CBX7: variants seen among roughly 807,000 people sequenced by gnomAD.
CBX7 encodes the protein chromobox 7, also known as chromobox protein homolog 7.
CBX7 carries 14 observed loss-of-function variants against 31.4 expected under a neutral mutation model. The observed-to-expected ratio is 0.45, with a 90% confidence interval of 0.29 to 0.70. CBX7 has a LOEUF of 0.70. CBX7 is among the 30% of genes least tolerant of loss of function. CBX7 has a pLI of 0.11. For synonymous variants in CBX7, 159 were observed against 152.6 expected (o/e 1.04, Z -0.31); for missense variants, 269 against 351.9 (o/e 0.76, Z 1.89).
intron 1 of CBX7, among the ~76,000 whole-genome samples, chr22:39,150,278 C>T (rs1006244935): frequency 6.6e-6 from 1 of 152,182 alleles, no homozygotes; most frequent in Admixed American, 6.5e-5. Flanking sequence ...CCACGCTCCT[C>T]CCCCATCTGC....
chr22:39,138,734 G>GA lies in CBX7; in HGVS notation c.180-33dup, dbSNP rs1349136808. ...TGTGAAGCAGGTGGCAGAAGAAAAG[G>GA]AAACACTGGTGACATCTAAGGGAAG... On this transcript the variant is annotated intron_variant, in intron 3 of 5. Transcript: ENST00000216133. 2.5e-6 allele frequency: 4 copies of GA among 1,602,590 alleles called. No individual in the cohort carries two copies. The African/African-American group carries it at 5.4e-5, about 21-fold the overall frequency.
At chr22:39,151,138 AG>A (rs1364744809) in intron 1 of CBX7, among the ~76,000 whole-genome samples, 1 of 152,196 alleles carries the variant, frequency 6.6e-6, no homozygotes, top group African/African-American at 2.4e-5. Context: ...TCCATCGTAG[AG>A]GGAGTTAGTG....
chr22:39,152,501 G>GGCCGCGGCTGCGGC lies in CBX7; in HGVS notation c.-71_-58dup, dbSNP rs1454610042. ...GGCCGGGCCGGGGGCGGAGCTGCGG[G>GGCCGCGGCTGCGGC]GCCGCGGCTGCGGCGCGCGATGCTG... On this transcript the variant is annotated 5_prime_UTR_variant, in exon 1 of 6. Transcript: ENST00000216133. The surrounding 1 kb of genome is among the most constrained non-coding windows in gnomAD (Gnocchi z 4.9). 15 of 806,526 alleles carry GGCCGCGGCTGCGGC rather than the reference G, an allele frequency of 1.9e-5. No individual in the cohort carries two copies. The highest frequency in any genetic ancestry group is 2.3e-5 in the Non-Finnish European group (15 of 666,402). 50.0% of individuals were successfully genotyped at this position (806,526 alleles called of 1,614,324 possible).
At position 39,152,590 on chromosome 22, in the gene CBX7, C is replaced by A. The variant is rs992087731; in HGVS notation, c.-146G>T. 1 of 157,972 alleles carries A rather than the reference C, an allele frequency of 6.3e-6. No homozygotes were observed. Among genetic ancestry groups the A allele is most frequent in the Non-Finnish European group, 1.3e-5 (1 of 74,786 alleles). 9.8% of individuals were successfully genotyped at this position (157,972 alleles called of 1,614,324 possible). A position where few individuals can be genotyped will look rare whatever the true frequency, so the allele number is the denominator to read the frequency against. ...ACGCGCACGCGCACGCGCGCACACCCCCTCGCGCTCCCTCACGCCGCCGAC... is the reference window on the plus strand; with the variant it reads ...ACGCGCACGCGCACGCGCGCACACCACCTCGCGCTCCCTCACGCCGCCGAC... On this transcript the variant is annotated 5_prime_UTR_variant, in exon 1 of 6. Transcript: ENST00000216133. The surrounding 1 kb of genome is among the most constrained non-coding windows in gnomAD (Gnocchi z 4.9).
intron 2 of CBX7, among the ~76,000 whole-genome samples, chr22:39,144,805 A>G (rs964584187): frequency 6.6e-6 from 1 of 152,184 alleles, no homozygotes; most frequent in African/African-American, 2.4e-5. Context: ...AATGACCACT[A>G]CAGTAACAGC....
rs550352981 is a variant in CBX7 at position 39,148,314 on chromosome 22, A to G, written c.113+1475T>C. 6 of 152,386 alleles carry G rather than the reference A, an allele frequency of 3.9e-5. No individual in the cohort carries two copies. The South Asian group carries it at 1.2e-3, about 32-fold the overall frequency. 9.4% of individuals were successfully genotyped at this position (152,386 alleles called of 1,614,324 possible). ...GATGGATTCACATCCAGGATCAATCAAAGTGGGGGAAGGAACTTTTCATTC... is the reference window on the plus strand; with the variant it reads ...GATGGATTCACATCCAGGATCAATCGAAGTGGGGGAAGGAACTTTTCATTC... On this transcript the variant is annotated intron_variant, in intron 2 of 5. Transcript: ENST00000216133.
rs1008286439 is a variant in CBX7, at chr22:39,131,097, C to T, written c.*2794G>A. On this transcript the variant is annotated 3_prime_UTR_variant, in exon 6 of 6. Coordinates refer to ENST00000216133, the MANE Select transcript of CBX7 (RefSeq NM_175709.5). ...GCCACTTCGAAAGCAAAAGCTAAAC[C>T]ACCTCACAGAAGCACAGCGCCTGCC... 1.3e-5 allele frequency: 2 copies of T among 152,638 alleles called. No homozygotes were observed. The highest frequency in any genetic ancestry group is 4.8e-5 in the African/African-American group (2 of 41,438). The allele number at this position is 152,638 out of a possible 1,614,324, so 9.5% of individuals were successfully genotyped here. A position where few individuals can be genotyped will look rare whatever the true frequency, so the allele number is the denominator to read the frequency against.
chr22:39,151,068 A>G (rs1165283391), intron 1 of CBX7, among the ~76,000 whole-genome samples: 2 of 152,052 alleles, frequency 1.3e-5, no homozygotes, highest in Non-Finnish European at 2.9e-5. Flanking sequence ...CCCTCAATAA[A>G]TATTTTGAGT....
Position 39,149,791 on chromosome 22 carries a change from T to C in CBX7, c.111A>G (p.Pro37=), listed in dbSNP as rs1930788566. ...EYLVKWKGWP[P]KYSTWEPEEH... ...CACACACACATGAAGGAGCTTACTT[T>C]GGGGGCCATCCTTTCCACTTCACCA... is the stretch of plus-strand genomic sequence containing the variant. Residue 37 remains proline (P), a splice_region_variant and synonymous_variant, in exon 2 of 6, where the codon CCA becomes CCG. Transcript: ENST00000216133. 1 of 1,613,668 alleles carries C rather than the reference T, an allele frequency of 6.2e-7. No homozygotes were observed. The highest frequency in any genetic ancestry group is 1.3e-5 in the African/African-American group (1 of 74,814).
rs371433223 is a variant in CBX7, at chr22:39,133,722, G to A, written c.*169C>T. On this transcript the variant is annotated 3_prime_UTR_variant, in exon 6 of 6. Transcript: ENST00000216133. ...CCCAGCCTGAGGCCTCGTGGTAAAC[G>A]TCCCTCAGAGAAAGGGCAGGTGGTG... 6.4e-5 allele frequency: 40 copies of A among 622,522 alleles called. No individual in the cohort carries two copies. The highest frequency in any genetic ancestry group is 5.6e-4 in the East Asian group (17 of 30,276). 38.6% of individuals were successfully genotyped at this position (622,522 alleles called of 1,614,324 possible).
intron 4 of CBX7, among the ~76,000 whole-genome samples, chr22:39,138,069 T>C (rs1930316681): frequency 6.6e-6 from 1 of 151,052 alleles, no homozygotes; most frequent in African/African-American, 2.4e-5. Context: ...TAGTCCCAGC[T>C]ACTGGGGAGG....
chr22:39,142,567 T>G (rs1384929962), intron 2 of CBX7, among the ~76,000 whole-genome samples: 2 of 152,260 alleles, frequency 1.3e-5, no homozygotes, highest in African/African-American at 4.8e-5. Flanking sequence ...AGAGCTCACC[T>G]ATCTGTGGAA....
At chr22:39,147,062 C>T (rs575800240) in intron 2 of CBX7, 1 of 147,920 alleles carries the variant, frequency 6.8e-6, no homozygotes, top group Non-Finnish European at 1.5e-5. Context: ...AGTGGTTTAG[C>T]CTAGGCCTGG....
At chr22:39,151,848 T>C (rs1446628990) in intron 1 of CBX7, among the ~76,000 whole-genome samples, 2 of 9,308 alleles carry the variant, frequency 2.1e-4, no homozygotes, top group East Asian at 2.6e-3. Flanking sequence ...GGAGTTGAGG[T>C]GGGGGTGGGG....
intron 2 of CBX7, chr22:39,149,517 A>T: frequency 1.9e-6 from 1 of 521,496 alleles, no homozygotes; most frequent in Admixed American, 3.4e-5. Context: ...AGCCACAGGG[A>T]GGGGAGGAGG....
intron 4 of CBX7, among the ~76,000 whole-genome samples, chr22:39,137,411 T>C (rs1463458552): frequency 6.6e-6 from 1 of 152,056 alleles, no homozygotes; most frequent in Non-Finnish European, 1.5e-5. Flanking sequence ...TGCAATGGTA[T>C]GATCTTGGCT....
At chr22:39,143,950 T>C (rs1418445976) in intron 2 of CBX7, among the ~76,000 whole-genome samples, 2 of 152,192 alleles carry the variant, frequency 1.3e-5, no homozygotes, top group East Asian at 1.9e-4. Context: ...GTATAAAACA[T>C]ACAGACAAAA....
chr22:39,147,742 ATTT>A (rs1437130394), intron 2 of CBX7: 1 of 152,124 alleles, frequency 6.6e-6, no homozygotes, highest in Non-Finnish European at 1.5e-5. Context: ...TGGCAGTTAT[ATTT>A]TTTTAAGGAC....
At chr22:39,146,416 G>C (rs1403940008) in intron 2 of CBX7, among the ~76,000 whole-genome samples, 1 of 152,234 alleles carries the variant, frequency 6.6e-6, no homozygotes, top group Non-Finnish European at 1.5e-5. Context: ...GCCCTGTGAG[G>C]TTAGGGCCTC....
Sources: gnomAD v4.1 joint callset for allele counts (sites outside exome capture counted in the v4.1 genomes callset) on GRCh38, gnomAD v4.1.1 for gene constraint, Gnocchi (gnomAD v3.1) non-coding constraint, MANE v1.5 for transcripts, NCBI Gene and HGNC (gene_info 2026-07-23, HGNC 2026-07-21) for gene names.